Variants in NKAIN3 observed in about 807,000 individuals in gnomAD.
The protein encoded by NKAIN3 is sodium/potassium-transporting ATPase subunit beta-1-interacting protein 3.
In NKAIN3, 25 loss-of-function variants were observed where a neutral mutation model predicts 30.2. The ratio of observed to expected loss-of-function variants is 0.83; its 90% CI spans 0.60 to 1.16. The LOEUF (loss-of-function observed/expected upper bound fraction) is 1.16. Among genes scored for constraint, NKAIN3 ranks in the 50% most tolerant of loss-of-function variants. The pLI, the probability that NKAIN3 is intolerant of heterozygous loss-of-function variation, is 0.00. For synonymous variants in NKAIN3, 91 were observed against 89.6 expected (o/e 1.02, Z -0.09); for missense variants, 225 against 254.1 (o/e 0.89, Z 0.78).
chr8:62,388,601 A>G (rs1055756327), intron 1 of NKAIN3, among the ~76,000 whole-genome samples: 2 of 152,240 alleles, frequency 1.3e-5, no homozygotes, highest in African/African-American at 4.8e-5. Context: ...GTGCTACTTT[A>G]GACACTTGAC....
rs1399538142 is a variant in NKAIN3, at chr8:62,720,160, TAAG to T, written c.274-26768_274-26766del. On this transcript the variant is annotated intron_variant, in intron 3 of 6. Transcript: ENST00000623646. ...TGTCAAAATGAAGTATTTATAAAAA[TAAG>T]AAGCTATAATTCATACATCCCAAGT... 4.6e-5 allele frequency among the ~76,000 whole-genome samples: 7 copies of T among 152,278 alleles called. No homozygotes were observed. In the East Asian group the frequency reaches 1.4e-3, roughly 29 times the overall value.
intron 1 of NKAIN3, among the ~76,000 whole-genome samples, chr8:62,446,420 A>G (rs967260195): frequency 1.5e-4 from 23 of 152,124 alleles, no homozygotes; most frequent in African/African-American, 5.5e-4. Flanking sequence ...GCCTTGTGTA[A>G]TGAGCGCCAT....
At chr8:62,802,348 A>C (rs1356153262) in intron 4 of NKAIN3, among the ~76,000 whole-genome samples, 1 of 152,186 alleles carries the variant, frequency 6.6e-6, no homozygotes, top group East Asian at 1.9e-4. Flanking sequence ...TGAAGGAAAA[A>C]ATGTTAAGGG....
At chr8:62,622,623 G>T (rs1449080725) in intron 3 of NKAIN3, among the ~76,000 whole-genome samples, 2 of 151,762 alleles carry the variant, frequency 1.3e-5, no homozygotes, top group East Asian at 3.9e-4. Flanking sequence ...TGGATTATTT[G>T]GTTCTTTTAC....
At chr8:62,806,142 AG>A (rs1385287608) in intron 4 of NKAIN3, among the ~76,000 whole-genome samples, 1 of 152,224 alleles carries the variant, frequency 6.6e-6, no homozygotes, top group Admixed American at 6.5e-5. Context: ...ATCATTAAAA[AG>A]TTAGGAAACA....
intron 1 of NKAIN3, among the ~76,000 whole-genome samples, chr8:62,336,408 A>G (rs748396913): frequency 2.0e-5 from 3 of 152,036 alleles, no homozygotes; most frequent in African/African-American, 2.4e-5. Flanking sequence ...CAGTACAGAA[A>G]AAGTATCACA....
At chr8:62,413,405 A>G (rs1198973142) in intron 1 of NKAIN3, among the ~76,000 whole-genome samples, 1 of 152,188 alleles carries the variant, frequency 6.6e-6, no homozygotes, top group Non-Finnish European at 1.5e-5. Context: ...ATTTTTGACT[A>G]TCACCCTTGG....
At chr8:62,796,354 A>G (rs1481026069) in intron 4 of NKAIN3, among the ~76,000 whole-genome samples, 42 of 127,886 alleles carry the variant, frequency 3.3e-4, no homozygotes, top group Non-Finnish European at 4.7e-5. Context: ...ACTGAGCTCC[A>G]GCCTGAGCAA....
chr8:62,792,748 A>G (rs956960265), intron 4 of NKAIN3, among the ~76,000 whole-genome samples: 2 of 152,126 alleles, frequency 1.3e-5, no homozygotes, highest in Non-Finnish European at 2.9e-5. Context: ...TTGAAAGATG[A>G]ATAGAAATTT....
intron 5 of NKAIN3, among the ~76,000 whole-genome samples, chr8:62,998,010 A>C (rs1563659698): frequency 2.0e-5 from 3 of 152,170 alleles, no homozygotes; most frequent in Admixed American, 6.5e-5. Flanking sequence ...GAATTATTAA[A>C]ATTGAGACTA....
intron 1 of NKAIN3, among the ~76,000 whole-genome samples, chr8:62,287,880 C>T (rs1563919837): frequency 6.6e-6 from 1 of 152,158 alleles, no homozygotes; most frequent in Non-Finnish European, 1.5e-5. Context: ...ACAGGCATCT[C>T]ATGCCCTCTG....
chr8:62,416,534 G>T (rs1804449027), intron 1 of NKAIN3, among the ~76,000 whole-genome samples: 1 of 152,088 alleles, frequency 6.6e-6, no homozygotes, highest in East Asian at 1.9e-4. Context: ...ATTTTTGTGG[G>T]TACATAGTAG....
chr8:62,478,930 G>T (rs1375925944), intron 1 of NKAIN3, among the ~76,000 whole-genome samples: 1 of 152,154 alleles, frequency 6.6e-6, no homozygotes, highest in African/African-American at 2.4e-5. Flanking sequence ...TCGCAAGGAG[G>T]TTCTTGTAAG....
intron 4 of NKAIN3, among the ~76,000 whole-genome samples, chr8:62,905,301 G>A (rs919150330): frequency 1.3e-5 from 2 of 152,144 alleles, no homozygotes; most frequent in Non-Finnish European, 2.9e-5. Flanking sequence ...CTTGGAGCCA[G>A]GCTGAAGCAG....
chr8:62,779,547 A>G (rs1278962101), intron 4 of NKAIN3, among the ~76,000 whole-genome samples: 3 of 151,934 alleles, frequency 2.0e-5, no homozygotes, highest in Non-Finnish European at 2.9e-5. Flanking sequence ...CCAATCCCAC[A>G]TATTCTCTCT....
intron 1 of NKAIN3, among the ~76,000 whole-genome samples, chr8:62,551,528 T>C (rs1809209265): frequency 6.6e-6 from 1 of 152,198 alleles, no homozygotes; most frequent in Admixed American, 6.5e-5. Context: ...TTGTATTGTT[T>C]GTATGTTTGG....
chr8:62,991,748 A>G (rs139225047), intron 5 of NKAIN3, among the ~76,000 whole-genome samples: 1 of 152,286 alleles, frequency 6.6e-6, no homozygotes, highest in African/African-American at 2.4e-5. Flanking sequence ...TGTCTTTGTC[A>G]TTTTGGTGAT....
intron 1 of NKAIN3, among the ~76,000 whole-genome samples, chr8:62,456,895 A>G (rs1439145531): frequency 6.6e-6 from 1 of 152,252 alleles, no homozygotes; most frequent in East Asian, 1.9e-4. Flanking sequence ...TCTAGGCACT[A>G]CTTTATAAGA....
Position 62,717,900 on chromosome 8 carries a change from G to A in NKAIN3, c.274-29032G>A, listed in dbSNP as rs964809977. Among the ~76,000 whole-genome samples, 4 of 152,214 alleles carry A rather than the reference G, an allele frequency of 2.6e-5. No homozygotes were observed. The South Asian group carries it at 8.3e-4, about 32-fold the overall frequency. On this transcript the variant is annotated intron_variant, in intron 3 of 6. Coordinates refer to ENST00000623646, the MANE Select transcript of NKAIN3 (RefSeq NM_001304533.3). ...ATCACTTGGTTAGTATGGTGTATCAGTCCATTCTCACACTGCTGATAAAGA... is the reference window on the plus strand; with the variant it reads ...ATCACTTGGTTAGTATGGTGTATCAATCCATTCTCACACTGCTGATAAAGA...
Sources: gnomAD v4.1 joint callset for allele counts (sites outside exome capture counted in the v4.1 genomes callset) on GRCh38, gnomAD v4.1.1 for gene constraint, MANE v1.5 for transcripts, NCBI Gene and HGNC (gene_info 2026-07-23, HGNC 2026-07-21) for gene names.